RCAN2: variants seen among roughly 807,000 people sequenced by gnomAD.
RCAN2 encodes regulator of calcineurin 2.
RCAN2 carries 9 observed loss-of-function variants against 23.6 expected under a neutral mutation model. That is an observed-to-expected ratio of 0.38 (90% CI 0.23 to 0.67). The LOEUF (loss-of-function observed/expected upper bound fraction) is 0.67, where lower values mean the gene tolerates loss of function less well. Ranked by LOEUF, RCAN2 falls within the 30% of genes least tolerant of loss-of-function variation. The probability of loss-of-function intolerance (pLI) is 0.51; values close to 1 mark genes in which losing one functional copy is unlikely to be tolerated. For synonymous variants in RCAN2, 109 were observed against 115.7 expected (o/e 0.94, Z 0.37); for missense variants, 273 against 302.3 (o/e 0.90, Z 0.72).
chr6:46,329,323 C>T (rs946680279), intron 2 of RCAN2, among the ~76,000 whole-genome samples: 1 of 152,130 alleles, frequency 6.6e-6, no homozygotes, highest in African/African-American at 2.4e-5. Flanking sequence ...CAATCACTAT[C>T]CTGGCATCTT....
At chr6:46,408,367 C>G (rs913172669) in intron 2 of RCAN2, among the ~76,000 whole-genome samples, 1 of 152,170 alleles carries the variant, frequency 6.6e-6, no homozygotes, top group East Asian at 1.9e-4. Context: ...CACAGCAACA[C>G]GGGTTCTCTT....
rs778379760 is a variant in RCAN2 at position 46,453,920 on chromosome 6, T to C, written c.225+2832A>G. ...AAATTACATATGAAACCACCGACCCTCGTAAACCTTGGAAATGAAGGCTAA... is the reference window on the plus strand; with the variant it reads ...AAATTACATATGAAACCACCGACCCCCGTAAACCTTGGAAATGAAGGCTAA... On this transcript the variant is annotated intron_variant, in intron 2 of 4. Transcript: ENST00000371374. Among the ~76,000 whole-genome samples, 4 of 152,280 alleles carry C rather than the reference T, an allele frequency of 2.6e-5. No homozygotes were observed. The South Asian group carries it at 8.3e-4, about 32-fold the overall frequency.
chr6:46,302,459 A>G (rs1762931707), intron 2 of RCAN2, among the ~76,000 whole-genome samples: 1 of 152,100 alleles, frequency 6.6e-6, no homozygotes, highest in Non-Finnish European at 1.5e-5. Context: ...GATTTCTGCC[A>G]TTCTGCAATT....
chr6:46,361,716 T>C (rs1175794812), intron 2 of RCAN2, among the ~76,000 whole-genome samples: 2 of 152,202 alleles, frequency 1.3e-5, no homozygotes, highest in Non-Finnish European at 2.9e-5. Flanking sequence ...TGGATTAGTT[T>C]GAATTTTCTT....
chr6:46,350,200 C>T (rs1471987786), intron 2 of RCAN2, among the ~76,000 whole-genome samples: 2 of 152,186 alleles, frequency 1.3e-5, no homozygotes, highest in Non-Finnish European at 2.9e-5. Flanking sequence ...AAAGCAGCTC[C>T]TCAATAAATA....
At chr6:46,489,501 G>A (rs1041256167) in intron 1 of RCAN2, among the ~76,000 whole-genome samples, 35 of 152,236 alleles carry the variant, frequency 2.3e-4, no homozygotes, top group Non-Finnish European at 4.7e-4. Context: ...GATTGTCAAT[G>A]TTAGTCTCAA....
chr6:46,367,053 A>ATC (rs1554136710), intron 2 of RCAN2, among the ~76,000 whole-genome samples: 7 of 126,384 alleles, frequency 5.5e-5, no homozygotes, highest in East Asian at 2.6e-4. Flanking sequence ...ATATATATAT[A>ATC]TCCTAGCTGA....
chr6:46,473,872 ATTTTAAC>A (rs1330612745), intron 1 of RCAN2, among the ~76,000 whole-genome samples: 1 of 152,202 alleles, frequency 6.6e-6, no homozygotes, highest in Admixed American at 6.5e-5. Flanking sequence ...CAAAGACAGT[ATTTTAAC>A]TTTTAAGTCT....
At chr6:46,320,208 G>A (rs1259080574) in intron 2 of RCAN2, among the ~76,000 whole-genome samples, 1 of 152,112 alleles carries the variant, frequency 6.6e-6, no homozygotes, top group Non-Finnish European at 1.5e-5. Flanking sequence ...CCTAGTGCTC[G>A]CAAAAAACTT....
At chr6:46,338,060 C>T (rs924047146) in intron 2 of RCAN2, among the ~76,000 whole-genome samples, 6 of 152,200 alleles carry the variant, frequency 3.9e-5, no homozygotes, top group African/African-American at 1.4e-4. Flanking sequence ...ACCAGTGTCA[C>T]CACTGCTCCA....
At chr6:46,243,921 C>T (rs544725129) in intron 4 of RCAN2, among the ~76,000 whole-genome samples, 64 of 151,830 alleles carry the variant, frequency 4.2e-4, no homozygotes, top group Admixed American at 2.3e-3. Flanking sequence ...CCAAGCCAAC[C>T]AGTATCCTTA....
chr6:46,444,412 C>T (rs1335033461), intron 2 of RCAN2, among the ~76,000 whole-genome samples: 5 of 152,302 alleles, frequency 3.3e-5, no homozygotes, highest in East Asian at 1.9e-4. Flanking sequence ...AGTATCTATA[C>T]ACAATGCTCA....
intron 2 of RCAN2, among the ~76,000 whole-genome samples, chr6:46,417,894 A>G (rs1446695243): frequency 6.6e-6 from 1 of 152,204 alleles, no homozygotes; most frequent in African/African-American, 2.4e-5. Context: ...AAGCTATTAG[A>G]TCTATTTCAC....
chr6:46,415,452 A>G (rs1006163063), intron 2 of RCAN2, among the ~76,000 whole-genome samples: 1 of 152,226 alleles, frequency 6.6e-6, no homozygotes, highest in Non-Finnish European at 1.5e-5. Flanking sequence ...AAGTTCAGCT[A>G]TAGTCCCAGA....
chr6:46,406,329 A>G (rs1429986429), intron 2 of RCAN2, among the ~76,000 whole-genome samples: 2 of 152,238 alleles, frequency 1.3e-5, no homozygotes, highest in Non-Finnish European at 2.9e-5. Context: ...GTCACCTCTC[A>G]AAAGGGTCTC....
In RCAN2 at chr6:46,415,279, C is replaced by T. The variant is rs138292222; in HGVS notation, c.225+41473G>A. ...ACGGATTAAGGGTATAGAATCAAGA[C>T]GCTTAAAATCAGTAAGATTTGAGGA... On this transcript the variant is annotated intron_variant, in intron 2 of 4. Transcript: ENST00000371374. 2.2e-3 allele frequency among the ~76,000 whole-genome samples: 335 copies of T among 152,190 alleles called. 1 individual carries two copies. The highest frequency in any genetic ancestry group is 7.6e-3 in the African/African-American group (314 of 41,516).
intron 2 of RCAN2, among the ~76,000 whole-genome samples, chr6:46,281,955 A>T (rs1372179578): frequency 3.9e-5 from 6 of 152,112 alleles, no homozygotes; most frequent in Non-Finnish European, 8.8e-5. Context: ...TCTGCCTCCC[A>T]TTATCATCAT....
intron 2 of RCAN2, among the ~76,000 whole-genome samples, chr6:46,311,554 C>T (rs906473490): frequency 6.6e-6 from 1 of 152,162 alleles, no homozygotes; most frequent in Non-Finnish European, 1.5e-5. Context: ...ACTGCAAGTG[C>T]CAAGGCATGG....
At chr6:46,331,360 G>GT (rs1486066880) in intron 2 of RCAN2, among the ~76,000 whole-genome samples, 1 of 151,922 alleles carries the variant, frequency 6.6e-6, no homozygotes, top group Non-Finnish European at 1.5e-5. Flanking sequence ...ATCACTGAGG[G>GT]TTTTTTCATT....
Sources: allele counts gnomAD v4.1 joint callset (sites outside exome capture counted in the v4.1 genomes callset), GRCh38; gene constraint gnomAD v4.1.1; transcripts MANE v1.5; gene names NCBI Gene and HGNC (gene_info 2026-07-23, HGNC 2026-07-21).